The following CPO variants were observed in gnomAD, a reference collection of about 807,000 sequenced individuals.
CPO encodes metallocarboxypeptidase C.
In CPO, 43 loss-of-function variants were observed where a neutral mutation model predicts 41.2. The observed-to-expected ratio is 1.04, with a 90% confidence interval of 0.82 to 1.35. The LOEUF is 1.35. Among genes scored for constraint, CPO ranks in the 40% most tolerant of loss-of-function variants. The pLI, the probability that CPO is intolerant of heterozygous loss-of-function variation, is 0.00. For missense variants in CPO, 408 were observed against 451.7 expected (o/e 0.90, Z 0.88); for synonymous variants, 178 against 162.7 (o/e 1.09, Z -0.72).
rs972195897 is a variant in CPO, at chr2:206,955,468, T to A, written c.171T>A (p.Tyr57Ter). ...GTCCTCCCTTGCTGTTTCAGATCTA[T>A]GAGTGGATGAGAGAGATCAGTGAGA... ...YNIYHPMGEI[Y>*]EWMREISEKY... Residue 57 changes from tyrosine (Y) to a stop codon, truncating the protein, a stop_gained, in exon 3 of 9, where the codon TAT becomes TAA. Coordinates refer to ENST00000272852, the MANE Select transcript of CPO (RefSeq NM_173077.3). LOFTEE classifies it high-confidence loss of function. 2 of 1,601,888 alleles carry A rather than the reference T, an allele frequency of 1.2e-6. No individual in the cohort carries two copies. Among genetic ancestry groups the A allele is most frequent in the Non-Finnish European group, 1.7e-6 (2 of 1,168,732 alleles).
chr2:206,956,154 A>G (rs1044257266), intron 3 of CPO, among the ~76,000 whole-genome samples: 14 of 152,218 alleles, frequency 9.2e-5, no homozygotes, highest in Admixed American at 9.2e-4. Flanking sequence ...CCATTTTTCC[A>G]CAGGGCCAGG....
intron 2 of CPO, among the ~76,000 whole-genome samples, chr2:206,952,119 A>C (rs531724925): frequency 5.4e-5 from 5 of 92,222 alleles, no homozygotes; most frequent in African/African-American, 2.4e-4. Flanking sequence ...CCCTCAATTA[A>C]CTTTTTTTTT....
chr2:206,962,629 C>T lies in CPO; in HGVS notation c.777+15C>T. 1 of 1,601,072 alleles carries T rather than the reference C, an allele frequency of 6.2e-7. No individual in the cohort carries two copies. Among genetic ancestry groups the T allele is most frequent in the Non-Finnish European group, 8.6e-7 (1 of 1,168,808 alleles). ...ACCCAGAAATGGTGAGTCCATAGCA[C>T]CAAGGCCTCCAGAAAAACCTCAGCA... On this transcript the variant is annotated intron_variant, in intron 7 of 8. Transcript: ENST00000272852.
rs1693216455 is a variant in CPO, at chr2:206,949,779, G to T, written c.165+66G>T. The T allele has an allele frequency of 6.1e-6, 6 of 983,792 alleles. No homozygotes were observed. In the East Asian group the frequency reaches 1.4e-4, roughly 24 times the overall value. 60.9% of individuals were successfully genotyped at this position (983,792 alleles called of 1,614,324 possible). A position where few individuals can be genotyped will look rare whatever the true frequency, so the allele number is the denominator to read the frequency against. The stretch of plus-strand genomic sequence containing the variant: ...ACCTACTTTAGGATGGGCAAAGAAT[G>T]GTTCACTAGTAATATCCATGCATTA... On this transcript the variant is annotated intron_variant, in intron 2 of 8. Transcript: ENST00000272852.
chr2:206,955,510 G>A lies in CPO; in HGVS notation c.213G>A (p.Val71=). ...TCAGTGAGAAGTACAAGGAAGTGGTGACACAGCATTTCCTAGGAGTGACCT... is the reference window on the plus strand; with the variant it reads ...TCAGTGAGAAGTACAAGGAAGTGGTAACACAGCATTTCCTAGGAGTGACCT... ...REISEKYKEV[V]TQHFLGVTYE... is the part of the protein sequence containing the mutation. Residue 71 remains valine (V), a synonymous_variant, in exon 3 of 9, where the codon GTG becomes GTA. Transcript: ENST00000272852. 6.2e-7 allele frequency: 1 copy of A among 1,612,000 alleles called. No individual in the cohort carries two copies. Among genetic ancestry groups the A allele is most frequent in the Non-Finnish European group, 8.5e-7 (1 of 1,178,056 alleles).
At chr2:206,959,073 C>G (rs181896326) in intron 4 of CPO, among the ~76,000 whole-genome samples, 1 of 151,960 alleles carries the variant, frequency 6.6e-6, no homozygotes, top group Non-Finnish European at 1.5e-5. Context: ...AAAAAGAGTA[C>G]GAAATAACTA....
chr2:206,954,095 G>C (rs897800845), intron 2 of CPO, among the ~76,000 whole-genome samples: 1 of 152,118 alleles, frequency 6.6e-6, no homozygotes, highest in Non-Finnish European at 1.5e-5. Flanking sequence ...TGATGGGAGG[G>C]GCTGCTGTGA....
At chr2:206,957,371 G>A (rs1218759464) in intron 3 of CPO, among the ~76,000 whole-genome samples, 10 of 138,052 alleles carry the variant, frequency 7.2e-5, no homozygotes, top group Non-Finnish European at 1.5e-4. Context: ...GCGAGACTCT[G>A]TCTCAAAAAA....
At chr2:206,947,650 A>G (rs541693118) in intron 1 of CPO, among the ~76,000 whole-genome samples, 2 of 152,348 alleles carry the variant, frequency 1.3e-5, no homozygotes, top group African/African-American at 4.8e-5. Context: ...CAAAACACAC[A>G]TCTGATAAAG....
chr2:206,940,255 C>T (rs901787278), intron 1 of CPO, among the ~76,000 whole-genome samples: 1 of 151,958 alleles, frequency 6.6e-6, no homozygotes, highest in Non-Finnish European at 1.5e-5. Context: ...GATGAGCAAC[C>T]AGCTACATAA....
Position 206,969,435 on chromosome 2 carries a change from A to G in CPO, c.1124A>G (p.Ter375=). Residue 375 remains the stop codon, a stop_retained_variant, in exon 9 of 9, where the codon TAA becomes TGA. Coordinates refer to ENST00000272852, the MANE Select transcript of CPO (RefSeq NM_173077.3). ...CTGGTGTCCTGCATGTCTCTTCTCT[A>G]AGTGCATTCTGCCCAGGCCTGCTCA... The part of the protein sequence containing the change: ...GLLVSCMSLL[*] 6.2e-7 allele frequency: 1 copy of G among 1,613,986 alleles called. No homozygotes were observed. Among genetic ancestry groups the G allele is most frequent in the South Asian group, 1.1e-5 (1 of 91,066 alleles).
rs1422727779 is a variant in CPO at position 206,948,037 on chromosome 2, C to A, written c.69-1580C>A. Among the ~76,000 whole-genome samples, 4 of 152,268 alleles carry A rather than the reference C, an allele frequency of 2.6e-5. No homozygotes were observed. The East Asian group carries it at 5.8e-4, about 22-fold the overall frequency. On this transcript the variant is annotated intron_variant, in intron 1 of 8. Transcript: ENST00000272852. ...TTTGGCAATTTCTTACAAAACTAAA[C>A]AAACTCTTACCATATTATCCAACCA...
chr2:206,954,985 T>A (rs1456497289), intron 2 of CPO, among the ~76,000 whole-genome samples: 2 of 152,020 alleles, frequency 1.3e-5, no homozygotes, highest in Non-Finnish European at 2.9e-5. Context: ...CCATGACATG[T>A]GGGGATTATA....
At chr2:206,960,549 G>A (rs1693459498) in intron 5 of CPO, among the ~76,000 whole-genome samples, 1 of 152,206 alleles carries the variant, frequency 6.6e-6, no homozygotes, top group South Asian at 2.1e-4. Context: ...AACGTTCCCT[G>A]AGTAAGCAGA....
intron 2 of CPO, among the ~76,000 whole-genome samples, chr2:206,954,390 C>G (rs1214827851): frequency 8.4e-6 from 1 of 118,688 alleles, no homozygotes; most frequent in Non-Finnish European, 2.0e-5. Flanking sequence ...CCTCCAGTCT[C>G]TTTGCTAAAG....
At chr2:206,967,347 A>ATG (rs1438504735) in intron 7 of CPO, among the ~76,000 whole-genome samples, 5 of 109,810 alleles carry the variant, frequency 4.6e-5, no homozygotes, top group Non-Finnish European at 9.4e-5. Flanking sequence ...ATATATATAT[A>ATG]TATAGATATA....
chr2:206,967,340 T>TAG (rs1226784967), intron 7 of CPO, among the ~76,000 whole-genome samples: 7 of 80,836 alleles, frequency 8.7e-5, no homozygotes, highest in African/African-American at 3.1e-4. Context: ...GCTATATATA[T>TAG]ATATATATAT....
chr2:206,954,037 T>C (rs1414009315), intron 2 of CPO, among the ~76,000 whole-genome samples: 1 of 152,152 alleles, frequency 6.6e-6, no homozygotes, highest in Non-Finnish European at 1.5e-5. Context: ...AAGGGGGCCC[T>C]GAATCCAGCC....
At chr2:206,951,181 A>G (rs1295054367) in intron 2 of CPO, among the ~76,000 whole-genome samples, 5 of 152,194 alleles carry the variant, frequency 3.3e-5, no homozygotes, top group African/African-American at 1.2e-4. Flanking sequence ...TACACCCTCT[A>G]TAATCTCCAT....
Sources: gnomAD v4.1 joint callset for allele counts (sites outside exome capture counted in the v4.1 genomes callset) on GRCh38, gnomAD v4.1.1 for gene constraint, MANE v1.5 for transcripts, NCBI Gene and HGNC (gene_info 2026-07-23, HGNC 2026-07-21) for gene names.